FHIT: variants seen among roughly 807,000 people sequenced by gnomAD.
FHIT encodes the protein bis(5'-adenosyl)-triphosphatase.
A neutral mutation model predicts 17.9 loss-of-function variants in FHIT; 19 were observed. That is an observed-to-expected ratio of 1.06 (90% CI 0.74 to 1.56). FHIT has a LOEUF of 1.56. Among genes scored for constraint, FHIT ranks in the 40% most tolerant of loss-of-function variants. The pLI is 0.00. For missense variants in FHIT, 248 were observed against 189.2 expected, an observed-to-expected ratio of 1.31 and a Z score of -1.82; for synonymous variants, 81 against 69.7, an observed-to-expected ratio of 1.16 and a Z score of -0.81.
chr3:60,206,171 A>ATTATT (rs1553712180), intron 5 of FHIT, among the ~76,000 whole-genome samples: 1,942 of 143,776 alleles, frequency 0.014, 39 homozygotes, highest in African/African-American at 0.043. Flanking sequence ...TAATAATAAT[A>ATTATT]ATTATAACAC....
chr3:60,789,119 T>A, intron 4 of FHIT, among the ~76,000 whole-genome samples: 1 of 149,604 alleles, frequency 6.7e-6, no homozygotes, highest in African/African-American at 2.5e-5. Flanking sequence ...TATGTATATA[T>A]AGATATGTAT....
intron 5 of FHIT, among the ~76,000 whole-genome samples, chr3:60,163,625 C>T (rs1294793278): frequency 1.3e-5 from 2 of 152,196 alleles, no homozygotes; most frequent in African/African-American, 4.8e-5. Context: ...TCTCCAGCAT[C>T]CCTGGCCAGG....
chr3:60,644,986 G>T (rs1284903707), intron 4 of FHIT, among the ~76,000 whole-genome samples: 1 of 152,026 alleles, frequency 6.6e-6, no homozygotes, highest in Non-Finnish European at 1.5e-5. Flanking sequence ...TTTCTCTTTT[G>T]ATAAGCTTTT....
intron 4 of FHIT, chr3:60,730,244 C>T (rs1448895078): frequency 7.6e-6 from 2 of 262,502 alleles, no homozygotes; most frequent in Admixed American, 4.3e-5. Flanking sequence ...ATGGCCACAG[C>T]CAGCTCACTG....
At chr3:60,097,871 C>A (rs1449468088) in intron 5 of FHIT, among the ~76,000 whole-genome samples, 1 of 124,416 alleles carries the variant, frequency 8.0e-6, no homozygotes, top group Non-Finnish European at 1.7e-5. Flanking sequence ...CCCCGCCCCC[C>A]ACCCCACAAC....
Position 59,987,868 on chromosome 3 carries a change from T to C in FHIT, c.279+23503A>G, listed in dbSNP as rs1483489275. On this transcript the variant is annotated intron_variant, in intron 7 of 9. Coordinates refer to ENST00000492590, the MANE Select transcript of FHIT (RefSeq NM_002012.4). ...GAGATGTCTGCCCCATCTAAAGTCT[T>C]ATTTTTCTATTTCCTATATCAAGAA... 2.0e-5 allele frequency among the ~76,000 whole-genome samples: 3 copies of C among 152,202 alleles called. No homozygotes were observed. The East Asian group carries it at 5.8e-4, about 29-fold the overall frequency.
chr3:61,063,211 G>T (rs921166529), intron 2 of FHIT, among the ~76,000 whole-genome samples: 3 of 142,984 alleles, frequency 2.1e-5, no homozygotes, highest in Non-Finnish European at 4.5e-5. Context: ...AGCTGAGACC[G>T]CGCCACTGCA....
chr3:60,570,855 GA>G (rs201652116), intron 4 of FHIT, among the ~76,000 whole-genome samples: 67 of 147,956 alleles, frequency 4.5e-4, no homozygotes, highest in African/African-American at 1.6e-3. Context: ...ACACAAAAAT[GA>G]AAAAAAAATA....
intron 5 of FHIT, among the ~76,000 whole-genome samples, chr3:60,251,758 C>T (rs959736216): frequency 6.6e-5 from 10 of 152,156 alleles, no homozygotes; most frequent in Non-Finnish European, 1.0e-4. Context: ...CACAGCATAC[C>T]TTTCTTTTCC....
At chr3:60,200,679 A>AAG (rs1051220885) in intron 5 of FHIT, among the ~76,000 whole-genome samples, 1 of 151,534 alleles carries the variant, frequency 6.6e-6, no homozygotes, top group South Asian at 2.1e-4. Flanking sequence ...GGGAAAAAAA[A>AAG]AAAAGGCTGT....
At chr3:61,018,567 G>C (rs900179722) in intron 3 of FHIT, among the ~76,000 whole-genome samples, 5 of 152,166 alleles carry the variant, frequency 3.3e-5, no homozygotes, top group Admixed American at 3.3e-4. Flanking sequence ...ATGCCCACAA[G>C]TAACAGCCTG....
At chr3:60,360,960 G>C (rs999477548) in intron 5 of FHIT, among the ~76,000 whole-genome samples, 1 of 152,102 alleles carries the variant, frequency 6.6e-6, no homozygotes, top group Non-Finnish European at 1.5e-5. Flanking sequence ...AAAGCCTTCC[G>C]TCCGACCCAT....
intron 8 of FHIT, among the ~76,000 whole-genome samples, chr3:59,911,667 G>A (rs1704882568): frequency 6.6e-6 from 1 of 152,130 alleles, no homozygotes; most frequent in South Asian, 2.1e-4. Context: ...TGGCATCTCA[G>A]GAAGGACAAC....
chr3:60,270,031 G>T (rs1706784017), intron 5 of FHIT, among the ~76,000 whole-genome samples: 1 of 152,110 alleles, frequency 6.6e-6, no homozygotes, highest in African/African-American at 2.4e-5. Context: ...ATGACCAAGG[G>T]GGTGTATCTG....
chr3:61,028,318 C>A (rs962540430), intron 3 of FHIT, among the ~76,000 whole-genome samples: 1 of 152,144 alleles, frequency 6.6e-6, no homozygotes, highest in Admixed American at 6.5e-5. Flanking sequence ...TTCCTGCCTC[C>A]AAGACAGTTG....
At chr3:60,553,505 ATAT>A (rs1559534576) in intron 4 of FHIT, 48 of 11,242 alleles carry the variant, frequency 4.3e-3, no homozygotes, top group East Asian at 0.031. Context: ...TTAAAAAAAT[ATAT>A]ATATATATAT....
chr3:60,765,259 C>T (rs1400727665), intron 4 of FHIT, among the ~76,000 whole-genome samples: 6 of 152,180 alleles, frequency 3.9e-5, no homozygotes, highest in Admixed American at 3.9e-4. Flanking sequence ...TCTCAAGTGT[C>T]TTTCTACTAC....
At chr3:61,021,261 T>C (rs1281411489) in intron 3 of FHIT, among the ~76,000 whole-genome samples, 1 of 152,130 alleles carries the variant, frequency 6.6e-6, no homozygotes, top group Non-Finnish European at 1.5e-5. Context: ...TATTCTAAAA[T>C]TGACCACATA....
chr3:61,064,346 C>G (rs1024672988), intron 2 of FHIT, among the ~76,000 whole-genome samples: 2 of 152,072 alleles, frequency 1.3e-5, no homozygotes, highest in East Asian at 3.9e-4. Context: ...CATTTTGTGG[C>G]ATGAGGTAAC....
Sources: allele counts gnomAD v4.1 joint callset (sites outside exome capture counted in the v4.1 genomes callset), GRCh38; gene constraint gnomAD v4.1.1; transcripts MANE v1.5; gene names NCBI Gene and HGNC (gene_info 2026-07-23, HGNC 2026-07-21).